UNC13A: variants seen among roughly 807,000 people sequenced by gnomAD.
The protein encoded by UNC13A is unc-13 homolog A.
UNC13A carries 61 observed loss-of-function variants against 219.7 expected under a neutral mutation model. The observed-to-expected ratio is 0.28, with a 90% CI of 0.23 to 0.34. The LOEUF is 0.34. Among genes scored for constraint, UNC13A ranks in the 10% least tolerant of loss-of-function variants. The pLI, the probability that UNC13A is intolerant of heterozygous loss-of-function variation, is 1.00. For synonymous variants in UNC13A, 920 were observed against 884.6 expected, an observed-to-expected ratio of 1.04 and a Z score of -0.71; for missense variants, 1,476 against 2,270.3, an observed-to-expected ratio of 0.65 and a Z score of 7.11.
At chr19:17,652,743 A>T (rs368239487) in intron 11 of UNC13A, 66 bp from the exon 12 acceptor site, 1 of 1,589,074 alleles carries the variant, frequency 6.3e-7, no homozygotes, top group Non-Finnish European at 8.6e-7. Flanking sequence ...CAGGCTCCAC[A>T]CCCACTTCTG....
intron 1 of UNC13A, among the ~76,000 whole-genome samples, chr19:17,684,840 G>T (rs901541052): frequency 6.6e-6 from 1 of 152,226 alleles, no homozygotes; most frequent in Non-Finnish European, 1.5e-5. Flanking sequence ...TCTAGGAGTG[G>T]GGTGTCACTA....
At chr19:17,614,957 G>T (rs775677621) in intron 41 of UNC13A, among the ~76,000 whole-genome samples, 1 of 152,286 alleles carries the variant, frequency 6.6e-6, no homozygotes, top group African/African-American at 2.4e-5. Flanking sequence ...CTAGTAAGAA[G>T]GGGGGAGGGA....
In UNC13A at chr19:17,658,027, G is replaced by C. The variant is rs369775572; in HGVS notation, c.767+35C>G. 5.6e-6 allele frequency: 9 copies of C among 1,600,080 alleles called. No homozygotes were observed. The African/African-American group carries it at 1.2e-4, about 21-fold the overall frequency. On this transcript the variant is annotated intron_variant, in intron 9 of 43. Coordinates refer to ENST00000519716, the MANE Select transcript of UNC13A (RefSeq NM_001080421.3). Reference sequence around the variant, plus strand: ...TCTCTCCACTCCAGGAGACACAGCAGGACCCACATGCATGCTGCACTCCGC... The same window carrying C: ...TCTCTCCACTCCAGGAGACACAGCACGACCCACATGCATGCTGCACTCCGC...
At chr19:17,632,661 G>A in intron 28 of UNC13A, 121 bp downstream of exon 28, 2 of 1,450,316 alleles carry the variant, frequency 1.4e-6, no homozygotes, top group Non-Finnish European at 1.9e-6. Flanking sequence ...CTGGATTCAA[G>A]CCCCACCCAT....
chr19:17,611,276 C>T (rs190085619), intron 42 of UNC13A, among the ~76,000 whole-genome samples: 10 of 152,234 alleles, frequency 6.6e-5, no homozygotes, highest in East Asian at 3.9e-4. Context: ...CTCCACCTCC[C>T]GGGTTCAAGC....
chr19:17,673,927 C>A (rs888662418), intron 3 of UNC13A, among the ~76,000 whole-genome samples: 2 of 152,128 alleles, frequency 1.3e-5, no homozygotes, highest in African/African-American at 4.8e-5. Context: ...AGGAGGATCA[C>A]TTGAACCTGG....
intron 18 of UNC13A, 39 bp downstream of exon 18, chr19:17,645,931 A>G (rs370809355): frequency 5.6e-6 from 9 of 1,606,020 alleles, no homozygotes; most frequent in Non-Finnish European, 7.7e-6. Flanking sequence ...CCCCAGCAGG[A>G]TGCCCCACAT....
intron 43 of UNC13A, among the ~76,000 whole-genome samples, chr19:17,609,442 C>T (rs1452293803): frequency 2.6e-5 from 4 of 152,060 alleles, no homozygotes; most frequent in Non-Finnish European, 5.9e-5. Flanking sequence ...CACTCCTGTC[C>T]CCAGAGCCGA....
At chr19:17,638,172 C>T (rs1008744069) in intron 25 of UNC13A, among the ~76,000 whole-genome samples, 5 of 151,716 alleles carry the variant, frequency 3.3e-5, no homozygotes, top group Non-Finnish European at 7.4e-5. Flanking sequence ...TACATCTTTC[C>T]CTCATAATAG....
At chr19:17,653,962 G>A (rs1033742124) in intron 11 of UNC13A, among the ~76,000 whole-genome samples, 1 of 151,768 alleles carries the variant, frequency 6.6e-6, no homozygotes, top group Non-Finnish European at 1.5e-5. Flanking sequence ...GAGTAGCTGG[G>A]ACTACAGGCG....
intron 36 of UNC13A, chr19:17,622,400 A>G (rs752936274): frequency 2.6e-5 from 4 of 154,138 alleles, no homozygotes; most frequent in Non-Finnish European, 5.8e-5. Context: ...CTGAAACAGG[A>G]GCTATGAGAA....
In UNC13A at chr19:17,630,333, G is replaced by C. The variant is rs1052935373; in HGVS notation, c.3526-45C>G. 3 of 1,550,720 alleles carry C rather than the reference G, an allele frequency of 1.9e-6. No homozygotes were observed. In the Admixed American group the frequency reaches 5.9e-5, roughly 30 times the overall value. ...AAGAGGAAGGAGGAGATCAGCACCA[G>C]AGAATCCCTAGAGCCCAACTCTCCC... On this transcript the variant is annotated intron_variant, in intron 29 of 43. Transcript: ENST00000519716.
chr19:17,606,810 C>T (rs569054465), intron 43 of UNC13A, among the ~76,000 whole-genome samples: 1 of 151,482 alleles, frequency 6.6e-6, no homozygotes. Context: ...CCCCCCACAC[C>T]CCCAGCCCAC....
chr19:17,624,652 A>G (rs1250470975), intron 35 of UNC13A, among the ~76,000 whole-genome samples, 177 bp downstream of exon 35: 1 of 151,992 alleles, frequency 6.6e-6, no homozygotes, highest in African/African-American at 2.4e-5. Context: ...TGACCTCTGA[A>G]TGGCCCCCCA....
At chr19:17,616,956 G>C (rs1438152961) in intron 41 of UNC13A, among the ~76,000 whole-genome samples, 1 of 152,212 alleles carries the variant, frequency 6.6e-6, no homozygotes, top group South Asian at 2.1e-4. Context: ...CCGTGTGTGT[G>C]CGCTCAGAGA....
intron 30 of UNC13A, among the ~76,000 whole-genome samples, 183 bp downstream of exon 30, chr19:17,629,958 TCATC>T: frequency 6.0e-5 from 9 of 150,574 alleles, no homozygotes; most frequent in African/African-American, 2.2e-4. Flanking sequence ...AACTCCAACC[TCATC>T]TCAACCTCAA....
chr19:17,617,636 G>C, intron 41 of UNC13A, 66 bp downstream of exon 41: 1 of 1,588,514 alleles, frequency 6.3e-7, no homozygotes, highest in East Asian at 2.3e-5. Context: ...AATGGCAGCC[G>C]TTCAGGCTTG....
chr19:17,672,858 T>C (rs2079816822), intron 3 of UNC13A, among the ~76,000 whole-genome samples: 1 of 152,074 alleles, frequency 6.6e-6, no homozygotes, highest in East Asian at 1.9e-4. Flanking sequence ...ATAGCTCCCT[T>C]TACCTACAGG....
Position 17,606,263 on chromosome 19 carries a change from G to T in UNC13A, c.4903C>A (p.Leu1635Met). ...CFAREDRTVG[L>M]AVLQLRELAQ... is the part of the protein sequence containing the mutation. ...AGCTCACGCAGCTGCAGCACGGCCA[G>T]CCCCACCGTGCGGTCCTCGCGCGCG... The change falls in exon 44 of 44, where the codon CTG (leucine) becomes ATG (methionine). Residue 1635 changes from leucine (L) to methionine (M), a missense_variant. Transcript: ENST00000519716. 6.5e-7 allele frequency: 1 copy of T among 1,547,372 alleles called. No individual in the cohort carries two copies. The highest frequency in any genetic ancestry group is 8.7e-7 in the Non-Finnish European group (1 of 1,146,316).
Sources: gnomAD v4.1 joint callset for allele counts (sites outside exome capture counted in the v4.1 genomes callset) on GRCh38, gnomAD v4.1.1 for gene constraint, MANE v1.5 for transcripts, NCBI Gene and HGNC (gene_info 2026-07-23, HGNC 2026-07-21) for gene names.